Variants in COL4A4 observed in about 807,000 individuals in gnomAD.
The protein encoded by COL4A4 is collagen alpha-4(IV) chain.
A neutral mutation model predicts 192.9 loss-of-function variants in COL4A4; 105 were observed. The observed-to-expected ratio is 0.54, with a 90% confidence interval of 0.46 to 0.64. The LOEUF (loss-of-function observed/expected upper bound fraction) is 0.64. Ranked by LOEUF, COL4A4 falls within the 30% of genes least tolerant of loss-of-function variation. The pLI, the probability that COL4A4 is intolerant of heterozygous loss-of-function variation, is 0.00. For missense variants in COL4A4, 1,967 were observed against 2,169.3 expected, an observed-to-expected ratio of 0.91 and a Z score of 1.85; for synonymous variants, 762 against 769.9, an observed-to-expected ratio of 0.99 and a Z score of 0.17.
At chr2:227,145,223 G>A (rs1252505327) in intron 2 of COL4A4, among the ~76,000 whole-genome samples, 3 of 152,106 alleles carry the variant, frequency 2.0e-5, no homozygotes, top group South Asian at 2.1e-4. Flanking sequence ...CGAGGTGGGC[G>A]GATCACCTGA....
chr2:227,014,352 G>A (rs906938821), intron 44 of COL4A4, among the ~76,000 whole-genome samples: 1 of 152,198 alleles, frequency 6.6e-6, no homozygotes, highest in Non-Finnish European at 1.5e-5. Flanking sequence ...TGATGCTGAT[G>A]CTGCCAGTCC....
At chr2:227,156,058 T>C (rs1203791969) in intron 1 of COL4A4, among the ~76,000 whole-genome samples, 3 of 109,936 alleles carry the variant, frequency 2.7e-5, no homozygotes, top group African/African-American at 8.1e-5. Context: ...TAATCTGCCA[T>C]GGAGGAAAAA....
Position 227,005,902 on chromosome 2 carries a change from A to G in COL4A4, c.*1423T>C, listed in dbSNP as rs886055714. On this transcript the variant is annotated 3_prime_UTR_variant, in exon 48 of 48. Coordinates refer to ENST00000396625, the MANE Select transcript of COL4A4 (RefSeq NM_000092.5). Reference sequence around the variant, plus strand: ...TTTTAAATTTAGGATTAGATCACCAAATTCCTAGCAAAACAGAAAAAGGGA... The same window carrying G: ...TTTTAAATTTAGGATTAGATCACCAGATTCCTAGCAAAACAGAAAAAGGGA... 3.3e-5 allele frequency: 5 copies of G among 152,246 alleles called. No individual in the cohort carries two copies. Among genetic ancestry groups the G allele is most frequent in the Admixed American group, 6.5e-5 (1 of 15,286 alleles). 9.4% of individuals were successfully genotyped at this position (152,246 alleles called of 1,614,324 possible). A position where few individuals can be genotyped will look rare whatever the true frequency, so the allele number is the denominator to read the frequency against.
rs1229465448 is a variant in COL4A4 at position 227,012,233 on chromosome 2, C to G, written c.4281G>C (p.Gly1427=). The G allele has an allele frequency of 3.1e-6, 5 of 1,613,968 alleles. No homozygotes were observed. The highest frequency in any genetic ancestry group is 4.2e-6 in the Non-Finnish European group (5 of 1,179,992). ...RGVDGVPGSP[G]PPGRKGDTGE... ...CTGTGTCACCTTTACGTCCGGGAGG[C>G]CCAGGAGACCCAGGGACGCCATCCA... The change falls in exon 45 of 48, where the codon GGG becomes GGC. Residue 1427 remains glycine (G), a synonymous_variant. Transcript: ENST00000396625.
chr2:227,146,915 G>A (rs986728397), intron 2 of COL4A4, among the ~76,000 whole-genome samples: 2 of 152,164 alleles, frequency 1.3e-5, no homozygotes, highest in Non-Finnish European at 2.9e-5. Flanking sequence ...TCAAGCTCAG[G>A]TCAACTCCTC....
intron 25 of COL4A4, among the ~76,000 whole-genome samples, chr2:227,064,530 A>G (rs1204842608): frequency 1.3e-5 from 2 of 152,378 alleles, no homozygotes; most frequent in East Asian, 1.9e-4. Flanking sequence ...CAAGAAGCTT[A>G]AAGAACTCCT....
intron 9 of COL4A4, among the ~76,000 whole-genome samples, chr2:227,109,747 A>G (rs1427994181): frequency 6.8e-6 from 1 of 146,688 alleles, no homozygotes; most frequent in Non-Finnish European, 1.5e-5. Flanking sequence ...CTCTGTCTCA[A>G]AAAAAAAAAA....
chr2:226,984,923 G>A, the COL4A4 span, among the ~76,000 whole-genome samples: 2 of 139,050 alleles, frequency 1.4e-5, no homozygotes, highest in Non-Finnish European at 3.1e-5. Flanking sequence ...TCTCCTGGGG[G>A]TTGGGGTGGG....
chr2:227,121,269 T>C (rs2061769277), intron 4 of COL4A4, 121 bp from the exon 5 acceptor site: 2 of 1,134,586 alleles, frequency 1.8e-6, no homozygotes, highest in African/African-American at 1.6e-5. Flanking sequence ...ACTCTAATAA[T>C]AGAAACAAAT....
intron 25 of COL4A4, among the ~76,000 whole-genome samples, chr2:227,065,687 A>G (rs1312568937): frequency 3.9e-5 from 6 of 152,190 alleles, no homozygotes; most frequent in South Asian, 2.1e-4. Flanking sequence ...AGGAAAACTA[A>G]CAAACAGAAA....
In COL4A4 at chr2:227,121,132, G is replaced by T. The variant is rs751497878; in HGVS notation, c.209C>A (p.Pro70Gln). 1.2e-6 allele frequency: 2 copies of T among 1,613,990 alleles called. No homozygotes were observed. Among genetic ancestry groups the T allele is most frequent in the Admixed American group, 1.7e-5 (1 of 60,014 alleles). The change falls in exon 5 of 48, where the codon CCA (proline) becomes CAA (glutamine). Residue 70 changes from proline to glutamine, a missense_variant. Coordinates refer to ENST00000396625, the MANE Select transcript of COL4A4 (RefSeq NM_000092.5). Reference sequence around the variant, plus strand: ...GGGTCCAATTGGACCCTGTGGCCCTGGTGGTCCTGGTGGACCCTGAGAAGG... The same window carrying T: ...GGGTCCAATTGGACCCTGTGGCCCTTGTGGTCCTGGTGGACCCTGAGAAGG... ...EKGSRGPPGP[P>Q]GPQGPIGPLG...
intron 7 of COL4A4, among the ~76,000 whole-genome samples, 196 bp downstream of exon 7, chr2:227,118,449 T>A (rs2061603368): frequency 6.6e-6 from 1 of 152,268 alleles, no homozygotes; most frequent in South Asian, 2.1e-4. Flanking sequence ...AAATCTAGCC[T>A]CCTTCCATCA....
At chr2:227,014,892 CTTTTTTTT>C (rs1179125792) in intron 44 of COL4A4, among the ~76,000 whole-genome samples, 1 of 106,586 alleles carries the variant, frequency 9.4e-6, no homozygotes, top group Non-Finnish European at 1.9e-5. Flanking sequence ...CCATGCCTGG[CTTTTTTTT>C]TTTTTTTTTT....
rs201667298 is a variant in COL4A4, at chr2:227,030,554, T to G, written c.3862A>C (p.Arg1288=). Reference sequence around the variant, plus strand: ...AGACCACAGTCACCTGGCTCCCCTCTCAGAAGGTCAACACTCCCAGGGAGG... The same window carrying G: ...AGACCACAGTCACCTGGCTCCCCTCGCAGAAGGTCAACACTCCCAGGGAGG... ...PGLPGSVDLL[R]GEPGDCGLPG... The change falls in exon 41 of 48, where the codon AGA becomes CGA. Residue 1288 remains arginine, a synonymous_variant. Coordinates refer to ENST00000396625, the MANE Select transcript of COL4A4 (RefSeq NM_000092.5). 3.1e-6 allele frequency: 5 copies of G among 1,613,936 alleles called. No individual in the cohort carries two copies. The African/African-American group carries it at 6.7e-5, about 22-fold the overall frequency.
chr2:227,010,332 T>G lies in COL4A4; in HGVS notation c.4503A>C (p.Lys1501Asn). The stretch of plus-strand genomic sequence containing the variant: ...CCATACCAAGGTCTTGATTGTGAGC[T>G]TTCTCTTGCCCTTCCAGGTATAACA... ...YSLLYLEGQE[K>N]AHNQDLGLAG... Residue 1501 changes from lysine to asparagine, a missense_variant, in exon 46 of 48, where the codon AAA becomes AAC. Lys to Asn is a moderately conservative substitution (Grantham distance 94). Coordinates refer to ENST00000396625, the MANE Select transcript of COL4A4 (RefSeq NM_000092.5). 1.9e-6 allele frequency: 3 copies of G among 1,614,272 alleles called. No individual in the cohort carries two copies. The highest frequency in any genetic ancestry group is 1.1e-5 in the South Asian group (1 of 91,088).
chr2:227,068,152 C>A (rs889011436), intron 25 of COL4A4, among the ~76,000 whole-genome samples: 9 of 149,086 alleles, frequency 6.0e-5, no homozygotes. Flanking sequence ...CATACACTCT[C>A]CCAAGACTAA....
chr2:227,019,770 C>T (rs188030334), intron 44 of COL4A4, among the ~76,000 whole-genome samples: 48 of 152,326 alleles, frequency 3.2e-4, no homozygotes, highest in African/African-American at 1.1e-3. Context: ...TGGGTTCAAG[C>T]GATTCTCCTG....
At chr2:227,077,811 C>T in intron 25 of COL4A4, 83 bp downstream of exon 25, 1 of 1,261,178 alleles carries the variant, frequency 7.9e-7, no homozygotes, top group Non-Finnish European at 1.1e-6. Flanking sequence ...TCAGAATTCA[C>T]CACTATATAA....
At chr2:227,103,350 T>C (rs1485978075) in intron 13 of COL4A4, among the ~76,000 whole-genome samples, 153 bp from the exon 14 acceptor site, 1 of 152,132 alleles carries the variant, frequency 6.6e-6, no homozygotes, top group African/African-American at 2.4e-5. Context: ...TTAGCACACT[T>C]ATAAACCAGA....
Sources: gnomAD v4.1 joint callset for allele counts (sites outside exome capture counted in the v4.1 genomes callset) on GRCh38, gnomAD v4.1.1 for gene constraint, MANE v1.5 for transcripts, NCBI Gene and HGNC (gene_info 2026-07-23, HGNC 2026-07-21) for gene names.